DMD: variants seen among roughly 807,000 people sequenced by gnomAD.
DMD encodes the protein dystrophin.
DMD carries 63 observed loss-of-function variants against 330.1 expected under a neutral mutation model. The observed-to-expected ratio is 0.19, with a 90% CI of 0.16 to 0.24. The LOEUF is 0.24. Ranked by LOEUF, DMD falls within the 10% of genes least tolerant of loss-of-function variation. The pLI is 1.00. For missense variants in DMD, 3,344 were observed against 2,684.1 expected, an observed-to-expected ratio of 1.25 and a Z score of -5.43; for synonymous variants, 1,223 against 959.8, an observed-to-expected ratio of 1.27 and a Z score of -5.07.
At chrX:32,564,978 T>C (rs1174947631) in intron 16 of DMD, among the ~76,000 whole-genome samples, 1 of 111,907 alleles carries the variant, frequency 8.9e-6, no homozygotes, top group Non-Finnish European at 1.9e-5. Context: ...CTATTATATA[T>C]AATGTTTATA....
chrX:32,812,557 TGG>T (rs1449491748), intron 6 of DMD, among the ~76,000 whole-genome samples: 1 of 112,045 alleles, frequency 8.9e-6, no homozygotes, highest in African/African-American at 3.2e-5. Flanking sequence ...CGCTTGAACC[TGG>T]GAAGTGGAGG....
chrX:32,559,600 C>T (rs530659637), intron 16 of DMD, among the ~76,000 whole-genome samples: 219 of 110,626 alleles, frequency 2.0e-3, no homozygotes, highest in African/African-American at 6.8e-3. Flanking sequence ...ATGGGTACAG[C>T]CAGAACGTGA....
At chrX:32,154,032 T>A (rs2096818686) in intron 44 of DMD, among the ~76,000 whole-genome samples, 1 of 112,492 alleles carries the variant, frequency 8.9e-6, no homozygotes, top group Non-Finnish European at 1.9e-5. Context: ...TGTCAGCCTA[T>A]TTTTGAACAT....
intron 18 of DMD, among the ~76,000 whole-genome samples, chrX:32,510,765 A>T (rs1316138948): frequency 8.9e-6 from 1 of 111,786 alleles, no homozygotes; most frequent in Non-Finnish European, 1.9e-5. Flanking sequence ...CAGTAAAGGA[A>T]GGATGGATTA....
chrX:32,329,362 C>T (rs745684514), intron 41 of DMD, among the ~76,000 whole-genome samples: 1 of 111,718 alleles, frequency 9.0e-6, no homozygotes, highest in Non-Finnish European at 1.9e-5. Flanking sequence ...GACGGGAGAC[C>T]AGCAAGGAAA....
chrX:31,625,405 G>T (rs1470232666), intron 55 of DMD, among the ~76,000 whole-genome samples: 1 of 111,401 alleles, frequency 9.0e-6, no homozygotes, highest in Non-Finnish European at 1.9e-5. Flanking sequence ...TTCTACCTCG[G>T]GTACACTGAA....
intron 13 of DMD, among the ~76,000 whole-genome samples, chrX:32,581,258 C>A (rs1201716017): frequency 8.9e-6 from 1 of 112,171 alleles, no homozygotes; most frequent in East Asian, 2.8e-4. Flanking sequence ...TAATAAAATG[C>A]ATAAGATAAT....
intron 1 of DMD, among the ~76,000 whole-genome samples, chrX:33,259,605 C>CG (rs1453370034): frequency 1.1e-4 from 8 of 70,292 alleles, no homozygotes; most frequent in African/African-American, 4.1e-4. Flanking sequence ...TCGCCCCCCC[C>CG]CCCCAAAAAA....
chrX:32,661,391 G>A (rs768705968), intron 9 of DMD, among the ~76,000 whole-genome samples: 4,053 of 110,681 alleles, frequency 0.037, 185 homozygotes, highest in African/African-American at 0.13. Flanking sequence ...ATTTTACTAT[G>A]AGGAGACCTG....
intron 1 of DMD, among the ~76,000 whole-genome samples, chrX:33,142,635 C>A (rs763604748): frequency 1.8e-5 from 2 of 112,123 alleles, no homozygotes; most frequent in Non-Finnish European, 3.8e-5. Context: ...ATGAAAGTGA[C>A]AGGCTCTGTA....
chrX:32,492,468 C>A (rs1036871298), intron 19 of DMD, among the ~76,000 whole-genome samples: 1 of 112,300 alleles, frequency 8.9e-6, no homozygotes, highest in Admixed American at 9.4e-5. Flanking sequence ...TAATACCAAA[C>A]CCAGAAAACT....
intron 44 of DMD, among the ~76,000 whole-genome samples, chrX:32,003,003 T>A (rs2095638019): frequency 8.9e-6 from 1 of 111,847 alleles, no homozygotes; most frequent in Non-Finnish European, 1.9e-5. Flanking sequence ...AAGTTAAGTC[T>A]ATTTTTATAG....
chrX:32,499,292 T>A (rs1255231484), intron 19 of DMD, among the ~76,000 whole-genome samples: 1 of 112,195 alleles, frequency 8.9e-6, no homozygotes, highest in East Asian at 2.8e-4. Context: ...TTTTAAAATC[T>A]ATAATAGCTA....
intron 21 of DMD, among the ~76,000 whole-genome samples, chrX:32,476,429 A>G (rs1048730586): frequency 2.7e-5 from 3 of 111,711 alleles, no homozygotes. Flanking sequence ...ATTCTTTTGT[A>G]GCTTTAAGAA....
Position 31,864,098 on chromosome X carries a change from A to G in DMD, c.7098+11090T>C, listed in dbSNP as rs187007664. On this transcript the variant is annotated intron_variant, in intron 48 of 78. Coordinates refer to ENST00000357033, the MANE Select transcript of DMD (RefSeq NM_004006.3). ...ACTGTATCCCAAGGGCAGAAAATAG[A>G]TGTCATCTTTAAAATGTGCAAGCAG... 5.7e-4 allele frequency among the ~76,000 whole-genome samples: 63 copies of G among 111,297 alleles called. 1 individual carries two copies. The East Asian group carries it at 0.017, about 29-fold the overall frequency.
intron 7 of DMD, among the ~76,000 whole-genome samples, chrX:32,726,315 G>C (rs968464885): frequency 2.7e-5 from 3 of 111,082 alleles, no homozygotes; most frequent in African/African-American, 6.5e-5. Flanking sequence ...TTTTGAATCT[G>C]TACTAAAATA....
At chrX:32,498,805 T>C (rs1419150520) in intron 19 of DMD, among the ~76,000 whole-genome samples, 3 of 111,777 alleles carry the variant, frequency 2.7e-5, no homozygotes, top group Admixed American at 1.9e-4. Flanking sequence ...AGACATACTG[T>C]TTCTAGAACG....
chrX:32,381,417 T>G (rs2097924182), intron 33 of DMD, among the ~76,000 whole-genome samples: 1 of 111,752 alleles, frequency 8.9e-6, no homozygotes, highest in Non-Finnish European at 1.9e-5. Context: ...TGAACAAATC[T>G]GTATTTCTCC....
chrX:32,631,287 A>G (rs2058710737), intron 11 of DMD, among the ~76,000 whole-genome samples: 1 of 111,807 alleles, frequency 8.9e-6, no homozygotes, highest in South Asian at 3.8e-4. Context: ...TCCTAAAGCC[A>G]GTACAACACT....
Sources: gnomAD v4.1 joint callset for allele counts (sites outside exome capture counted in the v4.1 genomes callset) on GRCh38, gnomAD v4.1.1 for gene constraint, MANE v1.5 for transcripts, NCBI Gene and HGNC (gene_info 2026-07-23, HGNC 2026-07-21) for gene names.